AKNA: variants seen among roughly 807,000 people sequenced by gnomAD.
The protein encoded by AKNA is AT-hook transcription factor, also known as microtubule organization protein AKNA.
A neutral mutation model predicts 138.8 loss-of-function variants in AKNA; 67 were observed. The ratio of observed to expected loss-of-function variants is 0.48; its 90% CI spans 0.40 to 0.59. The LOEUF is 0.59. Among genes scored for constraint, AKNA ranks in the 20% least tolerant of loss-of-function variants. The probability of loss-of-function intolerance (pLI) is 0.00; values close to 1 mark genes in which losing one functional copy is unlikely to be tolerated. For missense variants in AKNA, 1,813 were observed against 1,880.4 expected (o/e 0.96, Z 0.66); for synonymous variants, 737 against 754.4 (o/e 0.98, Z 0.38).
Position 114,381,446 on chromosome 9 carries a change from C to T in AKNA, c.-113G>A, listed in dbSNP as rs972459916. On this transcript the variant is annotated splice_region_variant and 5_prime_UTR_variant, in exon 2 of 22. Transcript: ENST00000374088. ...TCAGCATCGGCCATCCTGCCTGTGC[C>T]CTGTCAGGGACACATTCAAGAGAGA... The T allele has an allele frequency of 1.4e-6, 2 of 1,434,054 alleles. No individual in the cohort carries two copies. Among genetic ancestry groups the T allele is most frequent in the Admixed American group, 5.9e-5 (2 of 34,174 alleles). The allele number at this position is 1,434,054 out of a possible 1,614,324, so 88.8% of individuals were successfully genotyped here.
intron 6 of AKNA, among the ~76,000 whole-genome samples, chr9:114,365,271 G>A (rs1467844566): frequency 1.3e-5 from 2 of 152,094 alleles, no homozygotes; most frequent in Admixed American, 1.3e-4. Flanking sequence ...ATGTGAATTC[G>A]TTGCCTACCC....
chr9:114,382,604 A>T (rs1192353993), intron 1 of AKNA, among the ~76,000 whole-genome samples: 1 of 151,934 alleles, frequency 6.6e-6, no homozygotes, highest in Non-Finnish European at 1.5e-5. Flanking sequence ...AAAAAAAAAA[A>T]AGGTAGCATT....
At chr9:114,380,782 T>C (rs989820829) in intron 2 of AKNA, among the ~76,000 whole-genome samples, 1 of 146,640 alleles carries the variant, frequency 6.8e-6, no homozygotes, top group Non-Finnish European at 1.5e-5. Flanking sequence ...GAGACCATCC[T>C]GGCCAACATG....
chr9:114,362,284 A>G (rs1832024636), intron 8 of AKNA, 122 bp downstream of exon 8: 2 of 1,383,802 alleles, frequency 1.4e-6, no homozygotes, highest in Non-Finnish European at 1.9e-6. Context: ...ACTAATTAGG[A>G]TAAGATTTCT....
chr9:114,382,768 C>A (rs1833781146), intron 1 of AKNA, among the ~76,000 whole-genome samples: 2 of 151,972 alleles, frequency 1.3e-5, no homozygotes, highest in South Asian at 4.1e-4. Flanking sequence ...AGGAAATATC[C>A]AGGCAAGGTA....
At position 114,337,012 on chromosome 9, in the gene AKNA, T is replaced by TTGGGGGGGGGG; in HGVS notation, c.*41_*42insCCCCCCCCCCA. Reference sequence around the variant, plus strand: ...CCCACTCCTGGCCTGGCAGGCCACCTGCCCACCCACCCACCCATCTGCCTC... The same window carrying TTGGGGGGGGGG: ...CCCACTCCTGGCCTGGCAGGCCACCTTGGGGGGGGGGGCCCACCCACCCACCCATCTGCCTC... On this transcript the variant is annotated 3_prime_UTR_variant, in exon 22 of 22. Coordinates refer to ENST00000374088, the MANE Select transcript of AKNA (RefSeq NM_001317950.2). The TTGGGGGGGGGG allele has an allele frequency of 4.4e-4, 532 of 1,207,880 alleles. No homozygotes were observed. The highest frequency in any genetic ancestry group is 5.1e-4 in the Non-Finnish European group (474 of 929,048). The allele number at this position is 1,207,880 out of a possible 1,614,324, so 74.8% of individuals were successfully genotyped here. A position where few individuals can be genotyped will look rare whatever the true frequency, so the allele number is the denominator to read the frequency against.
chr9:114,354,800 T>C (rs1831373295), intron 14 of AKNA, among the ~76,000 whole-genome samples: 1 of 149,874 alleles, frequency 6.7e-6, no homozygotes, highest in South Asian at 2.1e-4. Flanking sequence ...AGTAAATACA[T>C]AAACCAGTAA....
At position 114,377,524 on chromosome 9, in the gene AKNA, C is replaced by T. The variant is rs1281303124; in HGVS notation, c.283G>A (p.Ala95Thr). The change falls in exon 3 of 22, where the codon GCA becomes ACA. Residue 95 changes from alanine (A) to threonine (T), a missense_variant. Coordinates refer to ENST00000374088, the MANE Select transcript of AKNA (RefSeq NM_001317950.2). ...CTTGCTGGGCTGTCCACATCCTCTG[C>T]TTCAGCCTCTGGAAAGACAGGCCAT... Reference protein sequence around the residue: ...SGETSGEEAEAEDVDSPASSH... With the variant: ...SGETSGEEAETEDVDSPASSH... 1 of 1,595,072 alleles carries T rather than the reference C, an allele frequency of 6.3e-7. No homozygotes were observed. Among genetic ancestry groups the T allele is most frequent in the Non-Finnish European group, 8.5e-7 (1 of 1,170,706 alleles).
chr9:114,362,576 C>G (rs758856260), intron 7 of AKNA, 43 bp from the exon 8 acceptor site: 2 of 1,594,994 alleles, frequency 1.3e-6, no homozygotes, highest in African/African-American at 1.3e-5. Context: ...GCTCAGTCCC[C>G]GCGGGGCCTG....
At chr9:114,377,661 G>C in intron 2 of AKNA, 129 bp from the exon 3 acceptor site, 1 of 981,492 alleles carries the variant, frequency 1.0e-6, no homozygotes, top group South Asian at 1.7e-5. Context: ...ATCCCAAGGT[G>C]GTGGTAGACT....
At chr9:114,373,154 C>T (rs1187467504) in intron 4 of AKNA, among the ~76,000 whole-genome samples, 1 of 152,240 alleles carries the variant, frequency 6.6e-6, no homozygotes, top group African/African-American at 2.4e-5. Context: ...CCCACATCCT[C>T]CTCTACTGCT....
downstream of AKNA, chr9:114,331,546 G>A: frequency 6.3e-7 from 1 of 1,594,152 alleles, no homozygotes; most frequent in Non-Finnish European, 8.6e-7. Flanking sequence ...TTCTCACCCA[G>A]AGGCTCTTTT....
At chr9:114,332,213 C>T (rs1177849928), downstream of AKNA, among the ~76,000 whole-genome samples, 6 of 151,848 alleles carry the variant, frequency 4.0e-5, no homozygotes, top group South Asian at 4.1e-4. Context: ...TTGGAGGGGA[C>T]GTAATGCGGG....
chr9:114,392,340 T>C (rs190828925), upstream of AKNA, among the ~76,000 whole-genome samples: 19 of 152,334 alleles, frequency 1.2e-4, no homozygotes, highest in East Asian at 3.7e-3. Context: ...CCTCCTGGAT[T>C]CTTTATTCCA....
chr9:114,336,964 C>T lies in AKNA; in HGVS notation c.*90G>A, dbSNP rs1188381812. The stretch of plus-strand genomic sequence containing the variant: ...CCTCCTGGTGAGGAACTATGCGGGC[C>T]TTCTGGGCCTCAGCAGCTCCAGCCC... On this transcript the variant is annotated 3_prime_UTR_variant, in exon 22 of 22. Coordinates refer to ENST00000374088, the MANE Select transcript of AKNA (RefSeq NM_001317950.2). 1.1e-4 allele frequency: 159 copies of T among 1,416,762 alleles called. 1 individual carries two copies. The South Asian group carries it at 2.2e-3, about 20-fold the overall frequency. 87.8% of individuals were successfully genotyped at this position (1,416,762 alleles called of 1,614,324 possible).
chr9:114,385,092 G>C (rs940357755), intron 1 of AKNA, among the ~76,000 whole-genome samples: 4 of 152,128 alleles, frequency 2.6e-5, no homozygotes, highest in Admixed American at 6.5e-5. Context: ...TGTTTCAAAT[G>C]ATCCTCCTGC....
chr9:114,340,315 G>A (rs899680246), intron 21 of AKNA, among the ~76,000 whole-genome samples: 1 of 152,198 alleles, frequency 6.6e-6, no homozygotes, highest in African/African-American at 2.4e-5. Context: ...AGGGGAAGCA[G>A]GCAGAGAAGT....
chr9:114,335,138 G>A lies in AKNA; in HGVS notation c.*1916C>T, dbSNP rs1263545104. On this transcript the variant is annotated 3_prime_UTR_variant, in exon 22 of 22. Transcript: ENST00000374088. Reference sequence around the variant, plus strand: ...TGATGGGCAGAGCAGGGAGAAGCAAGGGAGACGAGAAGTGGGGAACATGGA... The same window carrying A: ...TGATGGGCAGAGCAGGGAGAAGCAAAGGAGACGAGAAGTGGGGAACATGGA... 7 of 152,322 alleles carry A rather than the reference G, an allele frequency of 4.6e-5. No homozygotes were observed. Among genetic ancestry groups the A allele is most frequent in the Non-Finnish European group, 2.9e-5 (2 of 68,084 alleles). 9.4% of individuals were successfully genotyped at this position (152,322 alleles called of 1,614,324 possible).
intron 19 of AKNA, 104 bp from the exon 20 acceptor site, chr9:114,342,229 C>T (rs1490307569): frequency 6.3e-6 from 5 of 792,584 alleles, no homozygotes; most frequent in Non-Finnish European, 9.7e-6. Flanking sequence ...TCGGGACCCA[C>T]TGCGGAGGGG....
Sources: allele counts gnomAD v4.1 joint callset (sites outside exome capture counted in the v4.1 genomes callset), GRCh38; gene constraint gnomAD v4.1.1; transcripts MANE v1.5; gene names NCBI Gene and HGNC (gene_info 2026-07-23, HGNC 2026-07-21).